Variants in EPS8L2 observed in about 807,000 individuals in gnomAD.
EPS8L2 encodes epidermal growth factor receptor kinase substrate 8-like protein 2.
In EPS8L2, 81 loss-of-function variants were observed where a neutral mutation model predicts 99.4. That is an observed-to-expected ratio of 0.82 (90% CI 0.68 to 0.98). EPS8L2 has a LOEUF of 0.98. Among genes scored for constraint, EPS8L2 ranks in the 50% least tolerant of loss-of-function variants. The probability of loss-of-function intolerance (pLI) is 0.00; values close to 1 mark genes in which losing one functional copy is unlikely to be tolerated. For missense variants in EPS8L2, 1,155 were observed against 968.8 expected, an observed-to-expected ratio of 1.19 and a Z score of -2.55; for synonymous variants, 509 against 407.3, an observed-to-expected ratio of 1.25 and a Z score of -3.01.
chr11:720,845 G>T lies in EPS8L2; in HGVS notation c.493G>T (p.Glu165Ter), dbSNP rs755290745. 48 of 1,540,956 alleles carry T rather than the reference G, an allele frequency of 3.1e-5. No individual in the cohort carries two copies. The highest frequency in any genetic ancestry group is 4.9e-5 in the East Asian group (2 of 40,880). ...GCTTTCCCAGGCAGAGCTGGTGCAC[G>T]AGGACATCGAGAGCGCGTTGGCCGA... The part of the protein sequence containing the change: ...CDEVEAELVH[E>*]DIESALADCR... The change falls in exon 7 of 21, where the codon GAG becomes TAG. Residue 165 changes from glutamate to a stop codon, truncating the protein, a stop_gained. Coordinates refer to ENST00000318562, the MANE Select transcript of EPS8L2 (RefSeq NM_022772.4). LOFTEE classifies it high-confidence loss of function.
chr11:709,130 G>C, intron 1 of EPS8L2, 200 bp from the exon 2 acceptor site: 1 of 513,748 alleles, frequency 1.9e-6, no homozygotes, highest in East Asian at 4.1e-5. Flanking sequence ...CCTAGGGTCT[G>C]AGGCATGACG....
At chr11:718,967 CTT>C (rs745422884) in intron 4 of EPS8L2, among the ~76,000 whole-genome samples, 29 of 125,178 alleles carry the variant, frequency 2.3e-4, no homozygotes, top group Admixed American at 4.1e-4. Context: ...TGCGCCCGAT[CTT>C]TTTTTTTTTT....
chr11:716,943 CAT>C (rs1862041128), intron 4 of EPS8L2, among the ~76,000 whole-genome samples: 1 of 152,166 alleles, frequency 6.6e-6, no homozygotes, highest in Non-Finnish European at 1.5e-5. Flanking sequence ...TGAGTGGCCT[CAT>C]AGTCCCTTGC....
At chr11:722,020 A>C in intron 11 of EPS8L2, 29 bp downstream of exon 11, 1 of 1,606,216 alleles carries the variant, frequency 6.2e-7, no homozygotes, top group Non-Finnish European at 8.5e-7. Flanking sequence ...GCCCTGCCCC[A>C]CTGTCTGTGC....
intron 16 of EPS8L2, among the ~76,000 whole-genome samples, chr11:725,209 G>A (rs1386028064): frequency 2.0e-5 from 3 of 152,204 alleles, no homozygotes; most frequent in African/African-American, 7.2e-5. Context: ...GAGCAGGCTA[G>A]GGGGGAGTGG....
At chr11:707,870 T>A (rs1022459178) in intron 1 of EPS8L2, among the ~76,000 whole-genome samples, 3 of 152,114 alleles carry the variant, frequency 2.0e-5, no homozygotes, top group African/African-American at 7.2e-5. Flanking sequence ...CACACGTGCC[T>A]GGCGCCCTTG....
At position 727,049 on chromosome 11, in the gene EPS8L2, A is replaced by G; in HGVS notation, c.*68A>G. 9.1e-7 allele frequency: 1 copy of G among 1,093,346 alleles called. No homozygotes were observed. Among genetic ancestry groups the G allele is most frequent in the East Asian group, 2.5e-5 (1 of 40,452 alleles). 67.7% of individuals were successfully genotyped at this position (1,093,346 alleles called of 1,614,324 possible). On this transcript the variant is annotated 3_prime_UTR_variant, in exon 21 of 21. Transcript: ENST00000318562. ...CCACAATGCATGGAGTATTATTTTTATATGTGTATGTATTTTGTATCAAGG... is the reference window on the plus strand; with the variant it reads ...CCACAATGCATGGAGTATTATTTTTGTATGTGTATGTATTTTGTATCAAGG...
intron 7 of EPS8L2, 75 bp downstream of exon 7, chr11:720,984 A>T: frequency 1.5e-6 from 2 of 1,341,954 alleles, no homozygotes; most frequent in Non-Finnish European, 2.0e-6. Flanking sequence ...AGGAGCCGGC[A>T]GGGGAGGGGA....
Position 723,227 on chromosome 11 carries a change from C to T in EPS8L2, c.1342-14C>T. The T allele has an allele frequency of 6.4e-7, 1 of 1,560,102 alleles. No homozygotes were observed. The highest frequency in any genetic ancestry group is 8.7e-7 in the Non-Finnish European group (1 of 1,144,348). On this transcript the variant is annotated splice_polypyrimidine_tract_variant and intron_variant, in intron 14 of 20. Coordinates refer to ENST00000318562, the MANE Select transcript of EPS8L2 (RefSeq NM_022772.4). Reference sequence around the variant, plus strand: ...CGCCCCATGTCTAACTCAGGTCGCCCACCTTCCCCACAGGTGAGTCCAGTG... The same window carrying T: ...CGCCCCATGTCTAACTCAGGTCGCCTACCTTCCCCACAGGTGAGTCCAGTG...
intron 4 of EPS8L2, among the ~76,000 whole-genome samples, chr11:715,684 G>C (rs1474095270): frequency 3.0e-5 from 4 of 135,388 alleles, no homozygotes; most frequent in African/African-American, 8.5e-5. Context: ...GCAGTGGCAC[G>C]ATCTTGATTC....
rs1481011989 is a variant in EPS8L2 at position 712,440 on chromosome 11, C to T, written c.165+1954C>T. On this transcript the variant is annotated intron_variant, in intron 4 of 20. Coordinates refer to ENST00000318562, the MANE Select transcript of EPS8L2 (RefSeq NM_022772.4). ...TCCAAGCCTGGGTGCGAGCTGGGCTCCCGGTTGTCGTCCAAGCCTGGGTGC... is the reference window on the plus strand; with the variant it reads ...TCCAAGCCTGGGTGCGAGCTGGGCTTCCGGTTGTCGTCCAAGCCTGGGTGC... Among the ~76,000 whole-genome samples, 6 of 140,526 alleles carry T rather than the reference C, an allele frequency of 4.3e-5. No homozygotes were observed. In the South Asian group the frequency reaches 7.0e-4, roughly 16 times the overall value. 92.2% of individuals were successfully genotyped at this position (140,526 alleles called of 152,430 possible).
chr11:714,959 TG>T (rs1309630927), intron 4 of EPS8L2, among the ~76,000 whole-genome samples: 1 of 152,120 alleles, frequency 6.6e-6, no homozygotes, highest in South Asian at 2.1e-4. Flanking sequence ...AAAGAGTTTG[TG>T]GGCCGGGCGC....
chr11:707,239 T>C (rs1307978041), intron 1 of EPS8L2, among the ~76,000 whole-genome samples: 1 of 152,110 alleles, frequency 6.6e-6, no homozygotes, highest in Admixed American at 6.5e-5. Context: ...TCGGTCTCCT[T>C]TCCCACCCTC....
rs779895659 is a variant in EPS8L2, at chr11:721,661, G to A, written c.865G>A (p.Gly289Arg). 6.3e-7 allele frequency: 1 copy of A among 1,588,412 alleles called. No individual in the cohort carries two copies. Among genetic ancestry groups the A allele is most frequent in the Non-Finnish European group, 8.5e-7 (1 of 1,170,118 alleles). The part of the protein sequence containing the change: ...AFKQLNQRKK[G>R]KKKGKKAPAE... Reference sequence around the variant, plus strand: ...CAAGCAGCTGAACCAGCGGAAAAAGGGGAAGAAGAAGGGCAAGAAGGCGCC... The same window carrying A: ...CAAGCAGCTGAACCAGCGGAAAAAGAGGAAGAAGAAGGGCAAGAAGGCGCC... Residue 289 changes from glycine (G) to arginine (R), a missense_variant, in exon 10 of 21, where the codon GGG becomes AGG. Gly to Arg is a moderately radical substitution (Grantham distance 125). Coordinates refer to ENST00000318562, the MANE Select transcript of EPS8L2 (RefSeq NM_022772.4).
intron 4 of EPS8L2, among the ~76,000 whole-genome samples, chr11:715,548 T>G (rs1861998841): frequency 6.6e-6 from 1 of 152,118 alleles, no homozygotes. Flanking sequence ...TAAAGTGCGT[T>G]GACCTCCTCT....
At chr11:710,351 G>A in intron 3 of EPS8L2, 71 bp from the exon 4 acceptor site, 2 of 1,466,836 alleles carry the variant, frequency 1.4e-6, no homozygotes, top group South Asian at 2.3e-5. Context: ...TCCCTTGTGG[G>A]TCCAGTCCCA....
At chr11:707,606 A>G (rs1031215500) in intron 1 of EPS8L2, among the ~76,000 whole-genome samples, 2 of 152,078 alleles carry the variant, frequency 1.3e-5, no homozygotes, top group African/African-American at 4.8e-5. Flanking sequence ...AAGCCTCCCC[A>G]GGGGGGCGGG....
At chr11:718,650 A>G (rs1862077437) in intron 4 of EPS8L2, among the ~76,000 whole-genome samples, 1 of 148,944 alleles carries the variant, frequency 6.7e-6, no homozygotes, top group Non-Finnish European at 1.5e-5. Context: ...ACACCTGGCT[A>G]ATTTTTTAAT....
chr11:718,361 A>G (rs1392034016), intron 4 of EPS8L2, among the ~76,000 whole-genome samples: 3 of 152,166 alleles, frequency 2.0e-5, no homozygotes, highest in Non-Finnish European at 2.9e-5. Flanking sequence ...CAAACAAACA[A>G]AAAAACCCGC....
Sources: gnomAD v4.1 joint callset for allele counts (sites outside exome capture counted in the v4.1 genomes callset) on GRCh38, gnomAD v4.1.1 for gene constraint, MANE v1.5 for transcripts, NCBI Gene and HGNC (gene_info 2026-07-23, HGNC 2026-07-21) for gene names.